CREM: variants seen among roughly 807,000 people sequenced by gnomAD.
CREM encodes the protein cAMP responsive element modulator.
A neutral mutation model predicts 37.3 loss-of-function variants in CREM; 13 were observed. The ratio of observed to expected loss-of-function variants is 0.35; its 90% CI spans 0.23 to 0.55. CREM has a LOEUF of 0.55. CREM is among the 20% of genes least tolerant of loss of function. The pLI, the probability that CREM is intolerant of heterozygous loss-of-function variation, is 0.88. For missense variants in CREM, 296 were observed against 362.3 expected (o/e 0.82, Z 1.49); for synonymous variants, 124 against 120.2 (o/e 1.03, Z -0.21).
intron 6 of CREM, among the ~76,000 whole-genome samples, chr10:35,190,474 C>T (rs2094862624): frequency 6.6e-6 from 1 of 152,152 alleles, no homozygotes. Context: ...CTGTCTGATT[C>T]ATCTTTTTCT....
intron 5 of CREM, among the ~76,000 whole-genome samples, chr10:35,180,961 C>T (rs982266570): frequency 4.6e-5 from 7 of 152,196 alleles, no homozygotes; most frequent in Non-Finnish European, 1.0e-4. Flanking sequence ...GAAGTGACTG[C>T]TGAAATGACA....
intron 6 of CREM, among the ~76,000 whole-genome samples, chr10:35,203,139 C>T (rs1228243896): frequency 6.6e-6 from 1 of 151,854 alleles, no homozygotes; most frequent in Non-Finnish European, 1.5e-5. Context: ...ACTGTAGCCT[C>T]AACCTCCTGG....
chr10:35,155,631 CTT>C (rs35872146), intron 3 of CREM, among the ~76,000 whole-genome samples: 18 of 145,856 alleles, frequency 1.2e-4, no homozygotes, highest in Admixed American at 1.4e-4. Context: ...CTTTTCTTTT[CTT>C]TTTTTTTTTG....
chr10:35,147,182 C>G (rs905631301), intron 2 of CREM, among the ~76,000 whole-genome samples: 2 of 151,206 alleles, frequency 1.3e-5, no homozygotes, highest in African/African-American at 4.9e-5. Flanking sequence ...TCCCGAGTAG[C>G]TGGGACTACA....
intron 6 of CREM, among the ~76,000 whole-genome samples, chr10:35,204,876 A>G (rs923275953): frequency 1.3e-5 from 2 of 152,132 alleles, no homozygotes; most frequent in African/African-American, 4.8e-5. Context: ...ATAATATCCT[A>G]TTTAGCTGAC....
chr10:35,140,449 CT>C (rs1420003368), intron 2 of CREM, among the ~76,000 whole-genome samples: 3 of 152,138 alleles, frequency 2.0e-5, no homozygotes, highest in African/African-American at 7.2e-5. Flanking sequence ...GTAAAAGTCC[CT>C]TAATCTCTCT....
At chr10:35,188,511 TA>T (rs1050825129) in intron 6 of CREM, 123 bp downstream of exon 6, 1 of 731,290 alleles carries the variant, frequency 1.4e-6, no homozygotes, top group Middle Eastern at 4.2e-4. Flanking sequence ...GGGAGGCACT[TA>T]AAAAGGCTTA....
At chr10:35,170,159 G>T (rs2093741114) in intron 3 of CREM, among the ~76,000 whole-genome samples, 1 of 151,932 alleles carries the variant, frequency 6.6e-6, no homozygotes, top group South Asian at 2.1e-4. Context: ...TAGAAACGGG[G>T]TTTCACCATG....
chr10:35,194,511 A>G (rs2095064623), intron 6 of CREM, among the ~76,000 whole-genome samples: 2 of 152,234 alleles, frequency 1.3e-5, no homozygotes, highest in Non-Finnish European at 2.9e-5. Context: ...ATGGGAGAAT[A>G]CTACATAATA....
intron 6 of CREM, 105 bp downstream of exon 6, chr10:35,188,493 G>A: frequency 2.0e-6 from 2 of 1,012,950 alleles, no homozygotes; most frequent in Non-Finnish European, 2.7e-6. Context: ...GGTAGATGGT[G>A]GGGGGTTGGG....
intron 6 of CREM, among the ~76,000 whole-genome samples, chr10:35,188,708 G>A (rs1317749044): frequency 3.3e-5 from 5 of 150,472 alleles, no homozygotes; most frequent in African/African-American, 1.2e-4. Flanking sequence ...CGCCCAGGCT[G>A]GAGTACAATG....
intron 6 of CREM, among the ~76,000 whole-genome samples, chr10:35,197,949 G>A (rs2095261502): frequency 1.3e-5 from 2 of 152,122 alleles, no homozygotes; most frequent in South Asian, 2.1e-4. Flanking sequence ...AATTATCACG[G>A]CAAAGTGGAC....
At chr10:35,169,845 G>A (rs12571487) in intron 3 of CREM, among the ~76,000 whole-genome samples, 14,001 of 152,128 alleles carry the variant, frequency 0.092, 956 homozygotes, top group East Asian at 0.31. Context: ...CATCTATTGA[G>A]ATAATCATGT....
intron 3 of CREM, among the ~76,000 whole-genome samples, chr10:35,157,983 T>G (rs1250039849): frequency 6.6e-6 from 1 of 152,060 alleles, no homozygotes; most frequent in Non-Finnish European, 1.5e-5. Flanking sequence ...GAAAACTCTA[T>G]TTACAATAGC....
rs1259249621 is a variant in CREM at position 35,148,510 on chromosome 10, C to T, written c.168+19C>T. ...AGCTCAGGTAGGCAATAGGCAGGCACCGTTGAAAGTCAAAATATATGGAAA... is the reference window on the plus strand; with the variant it reads ...AGCTCAGGTAGGCAATAGGCAGGCATCGTTGAAAGTCAAAATATATGGAAA... On this transcript the variant is annotated intron_variant, in intron 3 of 7. Transcript: ENST00000685392. 1.3e-6 allele frequency: 2 copies of T among 1,597,834 alleles called. No homozygotes were observed. Among genetic ancestry groups the T allele is most frequent in the African/African-American group, 1.3e-5 (1 of 74,120 alleles).
intron 6 of CREM, chr10:35,196,209 A>G (rs989504591): frequency 9.2e-7 from 1 of 1,089,870 alleles, no homozygotes; most frequent in African/African-American, 1.6e-5. Context: ...CTCTTACTCC[A>G]TCTATAGGAA....
At chr10:35,208,993 C>T (rs188643090) in intron 7 of CREM, among the ~76,000 whole-genome samples, 27 of 152,176 alleles carry the variant, frequency 1.8e-4, no homozygotes, top group Admixed American at 1.0e-3. Context: ...TTATTATGCC[C>T]AGTTTACAGA....
chr10:35,141,293 T>C (rs537070544), intron 2 of CREM, among the ~76,000 whole-genome samples: 15 of 152,292 alleles, frequency 9.8e-5, no homozygotes, highest in African/African-American at 3.4e-4. Flanking sequence ...CTGTAGTCAA[T>C]AGGAAGCTAC....
chr10:35,187,566 T>G (rs1340409641), intron 5 of CREM, among the ~76,000 whole-genome samples: 3 of 152,070 alleles, frequency 2.0e-5, no homozygotes, highest in African/African-American at 7.2e-5. Flanking sequence ...TGCCTATATA[T>G]TTCTTAAAAA....
Sources: allele counts gnomAD v4.1 joint callset (sites outside exome capture counted in the v4.1 genomes callset), GRCh38; gene constraint gnomAD v4.1.1; transcripts MANE v1.5; gene names NCBI Gene and HGNC (gene_info 2026-07-23, HGNC 2026-07-21).